Variants in BBIP1 observed in about 807,000 individuals in gnomAD.
The protein encoded by BBIP1 is BBSome-interacting protein 1.
In BBIP1, 6 loss-of-function variants were observed where a neutral mutation model predicts 8.9. The ratio of observed to expected loss-of-function variants is 0.67; its 90% CI spans 0.37 to 1.33. The LOEUF is 1.33. BBIP1 is among the 40% of genes most tolerant of loss of function. The pLI is 0.02. For synonymous variants in BBIP1, 32 were observed against 33.4 expected, an observed-to-expected ratio of 0.96 and a Z score of 0.14; for missense variants, 111 against 109.2, an observed-to-expected ratio of 1.02 and a Z score of -0.07.
chr10:110,904,496 G>A (rs965007667), intron 2 of BBIP1: 2 of 152,200 alleles, frequency 1.3e-5, no homozygotes, highest in African/African-American at 4.8e-5. Context: ...GCTTTTGTGT[G>A]TATGAGTGCA....
intron 2 of BBIP1, among the ~76,000 whole-genome samples, chr10:110,917,606 T>C (rs567729386): frequency 3.9e-5 from 6 of 152,304 alleles, no homozygotes; most frequent in Admixed American, 1.3e-4. Context: ...AAAACAAAGA[T>C]TGAGTAGCAG....
At chr10:110,905,360 A>G (rs933547907) in intron 2 of BBIP1, among the ~76,000 whole-genome samples, 1 of 152,058 alleles carries the variant, frequency 6.6e-6, no homozygotes, top group Non-Finnish European at 1.5e-5. Context: ...CAGGAGATCG[A>G]GATCATCCTG....
At chr10:110,904,854 A>C (rs1846091874) in intron 2 of BBIP1, 1 of 152,248 alleles carries the variant, frequency 6.6e-6, no homozygotes, top group Admixed American at 6.5e-5. Flanking sequence ...CAGATTGTCA[A>C]GGCATACCTT....
At chr10:110,901,427 A>T (rs1845999165) in intron 3 of BBIP1, 111 bp downstream of exon 3, 2 of 739,518 alleles carry the variant, frequency 2.7e-6, no homozygotes, top group Non-Finnish European at 4.7e-6. Flanking sequence ...ATGAGATAAT[A>T]CGGAACACAA....
In BBIP1 at chr10:110,910,661, C is replaced by G. The variant is rs1056819862; in HGVS notation, c.37+7460G>C. The G allele has an allele frequency of 4.6e-5, 7 of 152,288 alleles. No individual in the cohort carries two copies. The East Asian group carries it at 7.7e-4, about 17-fold the overall frequency. 9.4% of individuals were successfully genotyped at this position (152,288 alleles called of 1,614,324 possible). On this transcript the variant is annotated intron_variant, in intron 2 of 3. Transcript: ENST00000448814. Reference sequence around the variant, plus strand: ...GATTCAAACATCCTCCACCTTCCCACCCCCCACTGCCAGTGGGTGATAAGG... The same window carrying G: ...GATTCAAACATCCTCCACCTTCCCAGCCCCCACTGCCAGTGGGTGATAAGG...
chr10:110,901,481 C>G, intron 3 of BBIP1, 57 bp downstream of exon 3: 1 of 1,271,844 alleles, frequency 7.9e-7, no homozygotes, highest in Non-Finnish European at 1.1e-6. Flanking sequence ...GTGACACTGC[C>G]TATGACTTCT....
intron 2 of BBIP1, chr10:110,904,022 T>C (rs1037140328): frequency 6.6e-6 from 1 of 152,238 alleles, no homozygotes; most frequent in Non-Finnish European, 1.5e-5. Flanking sequence ...CACGTTGGTA[T>C]ACAGACAGTA....
At chr10:110,904,118 A>C (rs184326970) in intron 2 of BBIP1, 6 of 152,326 alleles carry the variant, frequency 3.9e-5, no homozygotes, top group Admixed American at 3.3e-4. Flanking sequence ...GGCTACTTTT[A>C]AGAGAACTTT....
intron 2 of BBIP1, chr10:110,903,884 CAAAGT>C (rs1226760856): frequency 2.0e-5 from 3 of 152,134 alleles, no homozygotes; most frequent in Non-Finnish European, 2.9e-5. Context: ...TTAACATAGA[CAAAGT>C]AAAGTGTTCT....
At position 110,900,431 on chromosome 10, in the gene BBIP1, G is replaced by A. The variant is rs1408960130; in HGVS notation, c.208C>T (p.His70Tyr). The A allele has an allele frequency of 2.0e-6, 3 of 1,535,744 alleles. No individual in the cohort carries two copies. The highest frequency in any genetic ancestry group is 3.9e-5 in the Admixed American group (2 of 50,972). ...CGAATTGTATTCTGTGCTGCTTGAT[G>A]CATTTTCTCTAGTTTTTCCAGAGTC... is the stretch of plus-strand genomic sequence containing the variant. ...SLTLEKLEKM[H>Y]QAAQNTIRQQ... The change falls in exon 4 of 4, where the codon CAT (histidine) becomes TAT (tyrosine). Residue 70 changes from histidine (H) to tyrosine (Y), a missense_variant. Coordinates refer to ENST00000448814, the MANE Select transcript of BBIP1 (RefSeq NM_001195305.3).
At chr10:110,905,506 G>T (rs12776861) in intron 2 of BBIP1, among the ~76,000 whole-genome samples, 15,515 of 151,754 alleles carry the variant, frequency 0.1, 870 homozygotes, top group Middle Eastern at 0.15. Flanking sequence ...AGCTTGCAGT[G>T]AGCCGAGATC....
chr10:110,915,752 G>A (rs1846387885), intron 2 of BBIP1, among the ~76,000 whole-genome samples: 1 of 151,798 alleles, frequency 6.6e-6, no homozygotes, highest in African/African-American at 2.4e-5. Context: ...TGCCCAGTCT[G>A]GAGTGCAGTG....
intron 2 of BBIP1, among the ~76,000 whole-genome samples, chr10:110,917,698 T>G (rs1304510786): frequency 6.6e-6 from 1 of 152,152 alleles, no homozygotes; most frequent in Non-Finnish European, 1.5e-5. Flanking sequence ...ACACCCGATA[T>G]ATTCAAACTT....
intron 2 of BBIP1, among the ~76,000 whole-genome samples, chr10:110,908,821 T>C (rs965986581): frequency 1.3e-5 from 2 of 148,430 alleles, no homozygotes; most frequent in African/African-American, 2.5e-5. Flanking sequence ...TTACGAGCAA[T>C]CTGTCTGGAA....
chr10:110,900,342 A>G lies in BBIP1; in HGVS notation c.*18T>C. 2.0e-6 allele frequency: 3 copies of G among 1,527,852 alleles called. No individual in the cohort carries two copies. Among genetic ancestry groups the G allele is most frequent in the South Asian group, 1.2e-5 (1 of 83,076 alleles). The allele number at this position is 1,527,852 out of a possible 1,614,324, so 94.6% of individuals were successfully genotyped here. A position where few individuals can be genotyped will look rare whatever the true frequency, so the allele number is the denominator to read the frequency against. ...TAGTAGATAAGGCAGGTTGTTCCCT[A>G]AAGTGCTCAGTTATCATTCAGTGGG... On this transcript the variant is annotated 3_prime_UTR_variant, in exon 4 of 4. Coordinates refer to ENST00000448814, the MANE Select transcript of BBIP1 (RefSeq NM_001195305.3).
At chr10:110,914,810 G>C (rs1475667481) in intron 2 of BBIP1, among the ~76,000 whole-genome samples, 2 of 152,158 alleles carry the variant, frequency 1.3e-5, no homozygotes, top group Non-Finnish European at 2.9e-5. Context: ...CACTGGCTCT[G>C]GGAAAATCCA....
intron 2 of BBIP1, among the ~76,000 whole-genome samples, chr10:110,906,120 A>C (rs1846129500): frequency 6.6e-6 from 1 of 151,136 alleles, no homozygotes; most frequent in Admixed American, 6.6e-5. Flanking sequence ...CTCCTGCCTC[A>C]GCCTCCCGAG....
In BBIP1 at chr10:110,918,195, C is replaced by G. The variant is rs1199777723; in HGVS notation, c.-38G>C. The stretch of plus-strand genomic sequence containing the variant: ...TACCAAGATGACTTAGAGTTCTTGA[C>G]TCAAGCATACAGAAGAAACTACAAG... On this transcript the variant is annotated 5_prime_UTR_variant, in exon 2 of 4. Coordinates refer to ENST00000448814, the MANE Select transcript of BBIP1 (RefSeq NM_001195305.3). The G allele has an allele frequency of 6.6e-7, 1 of 1,507,166 alleles. No individual in the cohort carries two copies. Among genetic ancestry groups the G allele is most frequent in the African/African-American group, 1.4e-5 (1 of 72,380 alleles). The allele number at this position is 1,507,166 out of a possible 1,614,324, so 93.4% of individuals were successfully genotyped here. A position where few individuals can be genotyped will look rare whatever the true frequency, so the allele number is the denominator to read the frequency against.
upstream of BBIP1, chr10:110,919,322 G>A (rs1434711399): frequency 5.6e-6 from 2 of 356,812 alleles, no homozygotes; most frequent in African/African-American, 2.1e-5. Flanking sequence ...CTGTAGCCCG[G>A]CTAGCCAGAG....
Sources: allele counts gnomAD v4.1 joint callset (sites outside exome capture counted in the v4.1 genomes callset), GRCh38; gene constraint gnomAD v4.1.1; transcripts MANE v1.5; gene names NCBI Gene and HGNC (gene_info 2026-07-23, HGNC 2026-07-21).